The following CWC22 variants were observed in gnomAD, a reference collection of about 807,000 sequenced individuals.
CWC22 encodes the protein pre-mRNA-splicing factor CWC22 homolog.
In CWC22, 53 loss-of-function variants were observed where a neutral mutation model predicts 117.2. The observed-to-expected ratio is 0.45, with a 90% CI of 0.36 to 0.57. The LOEUF is 0.57. Ranked by LOEUF, CWC22 falls within the 20% of genes least tolerant of loss-of-function variation. The probability of loss-of-function intolerance (pLI) is 0.00; values close to 1 mark genes in which losing one functional copy is unlikely to be tolerated. For synonymous variants in CWC22, 360 were observed against 355.6 expected, an observed-to-expected ratio of 1.01 and a Z score of -0.14; for missense variants, 980 against 1,068.8, an observed-to-expected ratio of 0.92 and a Z score of 1.16.
At chr2:179,955,276 CATG>C (rs925585634) in intron 14 of CWC22, among the ~76,000 whole-genome samples, 87 of 151,968 alleles carry the variant, frequency 5.7e-4, no homozygotes, top group African/African-American at 1.7e-3. Flanking sequence ...ATTCTAAATT[CATG>C]ATAAGTATGA....
chr2:180,003,063 T>C lies in CWC22; in HGVS notation c.-114+3804A>G, dbSNP rs575134725. On this transcript the variant is annotated intron_variant, in intron 1 of 19. Transcript: ENST00000410053. The stretch of plus-strand genomic sequence containing the variant: ...CTGATTACTCCAATTTCTGCCTACA[T>C]AGAACTTCCTATAATGCCATTTTGT... Among the ~76,000 whole-genome samples, 21 of 152,246 alleles carry C rather than the reference T, an allele frequency of 1.4e-4. No individual in the cohort carries two copies. In the East Asian group the frequency reaches 3.1e-3, roughly 22 times the overall value.
At position 180,007,190 on chromosome 2, in the gene CWC22, A is replaced by C. The variant is rs1688004782; in HGVS notation, c.-437T>G. 6.6e-6 allele frequency: 1 copy of C among 152,270 alleles called. No individual in the cohort carries two copies. The highest frequency in any genetic ancestry group is 2.4e-5 in the African/African-American group (1 of 41,470). The allele number at this position is 152,270 out of a possible 1,614,324, so 9.4% of individuals were successfully genotyped here. A position where few individuals can be genotyped will look rare whatever the true frequency, so the allele number is the denominator to read the frequency against. ...AAACTTGACGCTCAATTGGCTTGAC[A>C]CGTTATCCCTTTAATTTATTTCAAA... On this transcript the variant is annotated 5_prime_UTR_variant, in exon 1 of 20. Coordinates refer to ENST00000410053, the MANE Select transcript of CWC22 (RefSeq NM_020943.3).
rs777591498 is a variant in CWC22, at chr2:179,993,375, T to C, written c.-34A>G. On this transcript the variant is annotated 5_prime_UTR_variant, in exon 2 of 20. Coordinates refer to ENST00000410053, the MANE Select transcript of CWC22 (RefSeq NM_020943.3). The stretch of plus-strand genomic sequence containing the variant: ...GCCAGTTGGTCCAATAAATCAAAGA[T>C]GCTTCAAACTGGTCCAAATAACAAG... 3 of 1,515,840 alleles carry C rather than the reference T, an allele frequency of 2.0e-6. No homozygotes were observed. The African/African-American group carries it at 4.1e-5, about 21-fold the overall frequency. The allele number at this position is 1,515,840 out of a possible 1,614,324, so 93.9% of individuals were successfully genotyped here.
chr2:179,955,037 AT>A lies in CWC22; in HGVS notation c.1459-4del. On this transcript the variant is annotated splice_region_variant and splice_polypyrimidine_tract_variant and intron_variant, in intron 14 of 19. Transcript: ENST00000410053. ...AGTATCATGTTGCAGAGTTCTTTCT[AT>A]TTGGGAAAAAAAATACATTAATGAT... 2 of 1,581,336 alleles carry A rather than the reference AT, an allele frequency of 1.3e-6. No homozygotes were observed. Among genetic ancestry groups the A allele is most frequent in the Non-Finnish European group, 1.7e-6 (2 of 1,158,958 alleles).
chr2:180,003,724 C>A (rs1687901316), intron 1 of CWC22, among the ~76,000 whole-genome samples: 1 of 152,150 alleles, frequency 6.6e-6, no homozygotes, highest in South Asian at 2.1e-4. Flanking sequence ...TCTAGCTCCA[C>A]CCATTTATAA....
intron 1 of CWC22, among the ~76,000 whole-genome samples, chr2:180,001,257 G>C (rs1687841151): frequency 6.6e-6 from 1 of 151,596 alleles, no homozygotes; most frequent in African/African-American, 2.4e-5. Context: ...CCCCTCTCTA[G>C]TTTTACTGTC....
chr2:179,975,530 C>T (rs1019502473), intron 6 of CWC22, among the ~76,000 whole-genome samples: 5 of 152,070 alleles, frequency 3.3e-5, no homozygotes, highest in Non-Finnish European at 7.4e-5. Flanking sequence ...ATAGAAAACC[C>T]TAAAGACTTA....
At chr2:180,000,467 A>G (rs1040605595) in intron 1 of CWC22, among the ~76,000 whole-genome samples, 1 of 152,196 alleles carries the variant, frequency 6.6e-6, no homozygotes, top group Non-Finnish European at 1.5e-5. Flanking sequence ...GTTACTCCAG[A>G]CCCCAAAAGG....
At chr2:179,987,158 TCAAA>T (rs1435513592) in intron 3 of CWC22, among the ~76,000 whole-genome samples, 4 of 152,216 alleles carry the variant, frequency 2.6e-5, no homozygotes, top group Non-Finnish European at 4.4e-5. Flanking sequence ...GGCTTGTTTA[TCAAA>T]ACACTGAATG....
intron 19 of CWC22, among the ~76,000 whole-genome samples, chr2:179,945,968 C>T (rs542182392): frequency 3.0e-4 from 46 of 152,118 alleles, no homozygotes; most frequent in African/African-American, 9.6e-4. Flanking sequence ...CTGCAACCTC[C>T]GCCTCCTGGG....
In CWC22 at chr2:179,945,297, C is replaced by T; in HGVS notation, c.2559G>A (p.Lys853=). 6.2e-7 allele frequency: 1 copy of T among 1,613,574 alleles called. No individual in the cohort carries two copies. The part of the protein sequence containing the change: ...SENFRRKDRS[K]SKEMNRKHSG... ...AGTGCTTTCTATTCATTTCCTTTGA[C>T]TTTGATCTATCTTTTCTTCTGAAAT... Residue 853 remains lysine (K), a synonymous_variant, in exon 20 of 20, where the codon AAG becomes AAA. Transcript: ENST00000410053.
chr2:179,963,768 G>A (rs1027990582), intron 13 of CWC22, among the ~76,000 whole-genome samples: 25 of 152,144 alleles, frequency 1.6e-4, no homozygotes, highest in African/African-American at 6.0e-4. Context: ...TGTTCAGACT[G>A]AAAACAGATG....
chr2:179,973,779 A>G lies in CWC22; in HGVS notation c.605T>C (p.Leu202Ser), dbSNP rs962414550. Reference protein sequence around the residue: ...RGRGLLSRSVLQAQSASPIFT... With the variant: ...RGRGLLSRSVSQAQSASPIFT... ...GATTGGAGAAGCACTCTGTGCTTGC[A>G]AAACAGACCTGGACAGCAGTCCTCT... The change falls in exon 7 of 20, where the codon TTG becomes TCG. Residue 202 changes from leucine to serine, a missense_variant. Around this residue, in one of 3 missense-constraint regions of CWC22, gnomAD observed 559 missense variants for 602.3 expected, o/e 0.93. Transcript: ENST00000410053. 3 of 1,604,466 alleles carry G rather than the reference A, an allele frequency of 1.9e-6. No individual in the cohort carries two copies. Among genetic ancestry groups the G allele is most frequent in the Non-Finnish European group, 1.7e-6 (2 of 1,175,372 alleles).
At position 179,945,021 on chromosome 2, in the gene CWC22, A is replaced by T; in HGVS notation, c.*108T>A. The T allele has an allele frequency of 1.4e-6, 1 of 721,004 alleles. No individual in the cohort carries two copies. Among genetic ancestry groups the T allele is most frequent in the Non-Finnish European group, 2.1e-6 (1 of 468,180 alleles). The allele number at this position is 721,004 out of a possible 1,614,324, so 44.7% of individuals were successfully genotyped here. A position where few individuals can be genotyped will look rare whatever the true frequency, so the allele number is the denominator to read the frequency against. On this transcript the variant is annotated 3_prime_UTR_variant, in exon 20 of 20. Coordinates refer to ENST00000410053, the MANE Select transcript of CWC22 (RefSeq NM_020943.3). ...ATGAAAACATTTTTTAAATTTACAA[A>T]TACAAACCAATACTTTATACAAGAA...
chr2:179,961,785 C>T (rs3914460), intron 13 of CWC22, among the ~76,000 whole-genome samples: 151,445 of 152,132 alleles, frequency 1, 75,383 homozygotes, highest in Middle Eastern at 1. Context: ...TACACCAAGA[C>T]AGTTTTTAGG....
At chr2:179,997,727 G>C (rs1687744086) in intron 1 of CWC22, among the ~76,000 whole-genome samples, 1 of 152,084 alleles carries the variant, frequency 6.6e-6, no homozygotes, top group Admixed American at 6.5e-5. Context: ...CAGCACTTCT[G>C]TTATTTGCCC....
chr2:179,972,433 A>G (rs1388383267), intron 8 of CWC22, among the ~76,000 whole-genome samples: 1 of 152,182 alleles, frequency 6.6e-6, no homozygotes, highest in African/African-American at 2.4e-5. Context: ...ACAGATTAAA[A>G]TCGATCAACT....
intron 3 of CWC22, among the ~76,000 whole-genome samples, chr2:179,987,168 G>C (rs759598091): frequency 1.3e-5 from 2 of 152,132 alleles, no homozygotes; most frequent in African/African-American, 4.8e-5. Flanking sequence ...TCAAAACACT[G>C]AATGTATGAG....
intron 7 of CWC22, 49 bp from the exon 8 acceptor site, chr2:179,973,295 A>G: frequency 7.6e-7 from 1 of 1,316,184 alleles, no homozygotes; most frequent in Non-Finnish European, 1.1e-6. Flanking sequence ...CCCAATTTTC[A>G]TTTATTTACA....
Sources: allele counts gnomAD v4.1 joint callset (sites outside exome capture counted in the v4.1 genomes callset), GRCh38; gene constraint gnomAD v4.1.1; regional missense constraint gnomAD v4.1.1; transcripts MANE v1.5; gene names NCBI Gene and HGNC (gene_info 2026-07-23, HGNC 2026-07-21).